Variants in TGM1 observed in about 807,000 individuals in gnomAD.
TGM1 encodes protein-glutamine gamma-glutamyltransferase K.
A neutral mutation model predicts 88.7 loss-of-function variants in TGM1; 63 were observed. That is an observed-to-expected ratio of 0.71 (90% confidence interval 0.58 to 0.88). The LOEUF is 0.88. Ranked by LOEUF, TGM1 falls within the 40% of genes least tolerant of loss-of-function variation. The pLI is 0.00. For synonymous variants in TGM1, 415 were observed against 431.1 expected (o/e 0.96, Z 0.46); for missense variants, 996 against 1,118.0 (o/e 0.89, Z 1.56).
At chr14:24,256,193 G>T (rs995973580) in intron 9 of TGM1, 116 bp from the exon 10 acceptor site, 1 of 841,834 alleles carries the variant, frequency 1.2e-6, no homozygotes, top group Non-Finnish European at 2.0e-6. Context: ...CGGTCCCACT[G>T]CCTGGTGGCC....
chr14:24,258,938 A>G (rs936215835), intron 7 of TGM1, 137 bp downstream of exon 7: 6 of 1,024,006 alleles, frequency 5.9e-6, no homozygotes, highest in Middle Eastern at 3.0e-4. Flanking sequence ...CTAATTAATG[A>G]TAATTAAGGC....
At chr14:24,251,336 C>A (rs983473118) in intron 14 of TGM1, among the ~76,000 whole-genome samples, 2 of 152,178 alleles carry the variant, frequency 1.3e-5, no homozygotes, top group African/African-American at 4.8e-5. Flanking sequence ...AAGCTCAGAC[C>A]AGCCCTCAGA....
In TGM1 at chr14:24,249,553, G is replaced by A. The variant is rs1282730025; in HGVS notation, c.2226-12C>T. 5 of 1,612,114 alleles carry A rather than the reference G, an allele frequency of 3.1e-6. No individual in the cohort carries two copies. Among genetic ancestry groups the A allele is most frequent in the Non-Finnish European group, 4.2e-6 (5 of 1,178,994 alleles). On this transcript the variant is annotated splice_polypyrimidine_tract_variant and intron_variant, in intron 14 of 14. Transcript: ENST00000206765. ...TGCCTCCAATGTCCCTGTGGGCAGA[G>A]ACAAGGTCATGGGCCTGGAGTAATT...
intron 3 of TGM1, among the ~76,000 whole-genome samples, chr14:24,260,985 CCTGA>C (rs1005788520): frequency 1.6e-4 from 24 of 152,310 alleles, no homozygotes; most frequent in African/African-American, 3.1e-4. Flanking sequence ...CTTCTGCCTG[CCTGA>C]CTATCACAGT....
rs895182111 is a variant in TGM1 at position 24,258,350 on chromosome 14, G to C, written c.1337C>G (p.Pro446Arg). 1 of 1,613,972 alleles carries C rather than the reference G, an allele frequency of 6.2e-7. No homozygotes were observed. The highest frequency in any genetic ancestry group is 8.5e-7 in the Non-Finnish European group (1 of 1,180,038). Reference protein sequence around the residue: ...HVWNDCWMKRPDLPSGFDGWQ... With the variant: ...HVWNDCWMKRRDLPSGFDGWQ... Reference sequence around the variant, plus strand: ...CCCATCAAAGCCCGAGGGCAGATCCGGCCTCTTCATCCAGCAGTCGTTCCA... The same window carrying C: ...CCCATCAAAGCCCGAGGGCAGATCCCGCCTCTTCATCCAGCAGTCGTTCCA... Residue 446 changes from proline to arginine, a missense_variant, in exon 9 of 15, where the codon CCG becomes CGG. Pro to Arg is a moderately radical substitution (Grantham distance 103). Coordinates refer to ENST00000206765, the MANE Select transcript of TGM1 (RefSeq NM_000359.3).
At chr14:24,262,978 G>A (rs1192607780) in intron 1 of TGM1, 111 bp downstream of exon 1, 2 of 158,410 alleles carry the variant, frequency 1.3e-5, no homozygotes, top group Non-Finnish European at 2.8e-5. Flanking sequence ...GCCTAGCTGG[G>A]GCTGACAGGT....
At position 24,250,644 on chromosome 14, in the gene TGM1, T is replaced by C. The variant is rs562072388; in HGVS notation, c.2226-1103A>G. Among the ~76,000 whole-genome samples, 52 of 152,272 alleles carry C rather than the reference T, an allele frequency of 3.4e-4. 1 individual carries two copies. Among genetic ancestry groups the C allele is most frequent in the Non-Finnish European group, 4.6e-4 (31 of 68,010 alleles). On this transcript the variant is annotated intron_variant, in intron 14 of 14. Coordinates refer to ENST00000206765, the MANE Select transcript of TGM1 (RefSeq NM_000359.3). ...TGGGTGTCCTTGTGAAGGCCTACTT[T>C]TCCTCCAAGGCCTGGCACACCACTT...
chr14:24,259,360 A>C lies in TGM1; in HGVS notation c.985-111T>G. The C allele has an allele frequency of 9.4e-7, 1 of 1,063,418 alleles. No individual in the cohort carries two copies. The highest frequency in any genetic ancestry group is 1.4e-6 in the Non-Finnish European group (1 of 711,924). 65.9% of individuals were successfully genotyped at this position (1,063,418 alleles called of 1,614,324 possible). A position where few individuals can be genotyped will look rare whatever the true frequency, so the allele number is the denominator to read the frequency against. On this transcript the variant is annotated intron_variant, in intron 6 of 14. Coordinates refer to ENST00000206765, the MANE Select transcript of TGM1 (RefSeq NM_000359.3). The surrounding 1 kb of genome is among the most constrained non-coding windows in gnomAD (Gnocchi z 5.7). Reference sequence around the variant, plus strand: ...ATCCTGCAACCACCCCTTACCCCTAAATGCCTCAGGATCCAGACACCAGCC... The same window carrying C: ...ATCCTGCAACCACCCCTTACCCCTACATGCCTCAGGATCCAGACACCAGCC...
At chr14:24,256,398 G>A (rs906963613) in intron 9 of TGM1, among the ~76,000 whole-genome samples, 1 of 152,240 alleles carries the variant, frequency 6.6e-6, no homozygotes, top group African/African-American at 2.4e-5. Flanking sequence ...CCAAGTCCCT[G>A]ACATACTCTT....
Position 24,259,036 on chromosome 14 carries a change from G to A in TGM1, c.1159+39C>T. ...AGCCTGGCTTTCCTCCCTTCTCCCT[G>A]TAGGGCCCGGGCCACTCCTGTCCCA... On this transcript the variant is annotated intron_variant, in intron 7 of 14. Coordinates refer to ENST00000206765, the MANE Select transcript of TGM1 (RefSeq NM_000359.3). The surrounding 1 kb of genome is among the most constrained non-coding windows in gnomAD (Gnocchi z 5.7). 1.6e-5 allele frequency: 25 copies of A among 1,611,560 alleles called. No individual in the cohort carries two copies. The highest frequency in any genetic ancestry group is 2.1e-5 in the Non-Finnish European group (25 of 1,179,008).
At chr14:24,251,298 T>C (rs1489884824) in intron 14 of TGM1, among the ~76,000 whole-genome samples, 5 of 152,204 alleles carry the variant, frequency 3.3e-5, no homozygotes, top group African/African-American at 1.2e-4. Context: ...TTGCTAACTT[T>C]TCATAGATAC....
At chr14:24,250,575 C>G (rs1318046579) in intron 14 of TGM1, among the ~76,000 whole-genome samples, 2 of 152,162 alleles carry the variant, frequency 1.3e-5, no homozygotes. Flanking sequence ...GCTTTGCAGT[C>G]TTTGCCTTGT....
Position 24,255,273 on chromosome 14 carries a change from G to C in TGM1, c.1646-20C>G. On this transcript the variant is annotated intron_variant, in intron 11 of 14. Coordinates refer to ENST00000206765, the MANE Select transcript of TGM1 (RefSeq NM_000359.3). This position sits in a 1 kb window ranked among gnomAD's most constrained non-coding sequence, Gnocchi z 4.0. ...CTGAGCCTGGGGGTTGAGGGTCAAG[G>C]GTGAGGTTCCAATTCCCACGTGGGT... The C allele has an allele frequency of 6.2e-7, 1 of 1,614,040 alleles. No individual in the cohort carries two copies. The highest frequency in any genetic ancestry group is 1.1e-5 in the South Asian group (1 of 91,080).
rs1382099690 is a variant in TGM1, at chr14:24,258,660, C to T, written c.1173G>A (p.Leu391=). 1.2e-6 allele frequency: 2 copies of T among 1,614,096 alleles called. No individual in the cohort carries two copies. Among genetic ancestry groups the T allele is most frequent in the African/African-American group, 2.7e-5 (2 of 74,936 alleles). ...AGVTTTVLRC[L]GLATRTVTNF... is the part of the protein sequence containing the mutation. ...TGGTGACAGTACGGGTGGCCAGACC[C>T]AGGCAGCGCAGCACTGTGGAGGAGC... Residue 391 remains leucine (L), a synonymous_variant, in exon 8 of 15, where the codon CTG becomes CTA. Transcript: ENST00000206765.
Position 24,262,426 on chromosome 14 carries a change from A to G in TGM1, c.-2-72T>C, listed in dbSNP as rs2040822077. On this transcript the variant is annotated intron_variant, in intron 1 of 14. Coordinates refer to ENST00000206765, the MANE Select transcript of TGM1 (RefSeq NM_000359.3). ...CAGTTGACCCAGAAACCCTCCATCC[A>G]GACAGCTGATTCAGTCCCACCCGAT... The G allele has an allele frequency of 3.3e-6, 5 of 1,523,664 alleles. No individual in the cohort carries two copies. In the Admixed American group the frequency reaches 7.4e-5, roughly 22 times the overall value. 94.4% of individuals were successfully genotyped at this position (1,523,664 alleles called of 1,614,324 possible). A position where few individuals can be genotyped will look rare whatever the true frequency, so the allele number is the denominator to read the frequency against.
rs537706334 is a variant in TGM1, at chr14:24,253,249, C to A, written c.2225+903G>T. 7.9e-5 allele frequency among the ~76,000 whole-genome samples: 12 copies of A among 152,322 alleles called. No homozygotes were observed. The South Asian group carries it at 2.3e-3, about 29-fold the overall frequency. On this transcript the variant is annotated intron_variant, in intron 14 of 14. Transcript: ENST00000206765. ...TGGCAATAATAAAAATAACAACTAC[C>A]AATGGAGCACTAACTTTGTGCCAAG...
At chr14:24,257,787 T>C (rs1216703844) in intron 9 of TGM1, among the ~76,000 whole-genome samples, 1 of 152,182 alleles carries the variant, frequency 6.6e-6, no homozygotes, top group Non-Finnish European at 1.5e-5. Flanking sequence ...AACCTAGAAA[T>C]TTACTTTAAA....
Position 24,259,667 on chromosome 14 carries a change from C to T in TGM1, c.984+37G>A, listed in dbSNP as rs1188472332. The T allele has an allele frequency of 1.3e-6, 2 of 1,557,658 alleles. No homozygotes were observed. The highest frequency in any genetic ancestry group is 2.3e-5 in the South Asian group (2 of 87,654). On this transcript the variant is annotated intron_variant, in intron 6 of 14. Transcript: ENST00000206765. The surrounding 1 kb of genome is among the most constrained non-coding windows in gnomAD (Gnocchi z 5.7). Reference sequence around the variant, plus strand: ...TGGGGGTGTGGCGAGGCAGCAGGCACACACACAGTAGGACTCAGAGATGTG... The same window carrying T: ...TGGGGGTGTGGCGAGGCAGCAGGCATACACACAGTAGGACTCAGAGATGTG...
intron 14 of TGM1, among the ~76,000 whole-genome samples, chr14:24,252,356 C>T (rs1004277359): frequency 1.3e-5 from 2 of 152,228 alleles, no homozygotes; most frequent in Non-Finnish European, 1.5e-5. Flanking sequence ...ACAGGTCCCC[C>T]AACACTCAGC....
Sources: allele counts gnomAD v4.1 joint callset (sites outside exome capture counted in the v4.1 genomes callset), GRCh38; gene constraint gnomAD v4.1.1; non-coding constraint Gnocchi (gnomAD v3.1); transcripts MANE v1.5; gene names NCBI Gene and HGNC (gene_info 2026-07-23, HGNC 2026-07-21).